ESR1: variants seen among roughly 807,000 people sequenced by gnomAD.
The protein encoded by ESR1 is estrogen receptor.
A neutral mutation model predicts 52.7 loss-of-function variants in ESR1; 12 were observed. The observed-to-expected ratio is 0.23, with a 90% CI of 0.15 to 0.37. The LOEUF (loss-of-function observed/expected upper bound fraction) is 0.37. ESR1 is among the 10% of genes least tolerant of loss of function. The pLI is 1.00. For synonymous variants in ESR1, 305 were observed against 316.8 expected (o/e 0.96, Z 0.39); for missense variants, 584 against 779.7 (o/e 0.75, Z 2.99).
chr6:151,710,740 A>T (rs1325506469), intron 2 of ESR1, among the ~76,000 whole-genome samples: 1 of 151,154 alleles, frequency 6.6e-6, no homozygotes, highest in Non-Finnish European at 1.5e-5. Flanking sequence ...ACCCTCTGAC[A>T]GGCCCCAGTG....
chr6:152,101,517 T>A lies in ESR1; in HGVS notation c.*2551T>A, dbSNP rs529250753. The A allele has an allele frequency of 1.7e-5, 4 of 232,198 alleles. No individual in the cohort carries two copies. The highest frequency in any genetic ancestry group is 6.6e-5 in the African/African-American group (3 of 45,408). 14.4% of individuals were successfully genotyped at this position (232,198 alleles called of 1,614,324 possible). On this transcript the variant is annotated 3_prime_UTR_variant, in exon 8 of 8. Transcript: ENST00000206249. The stretch of plus-strand genomic sequence containing the variant: ...CTACATTTGAAGTGGGCAGAGAACA[T>A]CAGATGATTGAAATGTTCGCCCAGG...
intron 2 of ESR1, among the ~76,000 whole-genome samples, chr6:151,713,508 A>T (rs896498455): frequency 1.3e-5 from 2 of 152,106 alleles, no homozygotes; most frequent in Admixed American, 1.3e-4. Context: ...TCCTGCCTCA[A>T]TTTCAGAACT....
rs76537695 is a variant in ESR1 at position 151,884,996 on chromosome 6, T to G, written c.760+4225T>G. Among the ~76,000 whole-genome samples, 739 of 151,934 alleles carry G rather than the reference T, an allele frequency of 4.9e-3. 3 individuals are homozygous for G. Among genetic ancestry groups the G allele is most frequent in the African/African-American group, 0.014 (596 of 41,398 alleles). On this transcript the variant is annotated intron_variant, in intron 3 of 7. Transcript: ENST00000206249. Reference sequence around the variant, plus strand: ...TAGTCATTCAATGTCTGTCTTTACATATGGTCCATAAACTCCATGATGGCG... The same window carrying G: ...TAGTCATTCAATGTCTGTCTTTACAGATGGTCCATAAACTCCATGATGGCG...
chr6:152,018,044 C>T (rs2043294449), intron 5 of ESR1, among the ~76,000 whole-genome samples: 1 of 152,148 alleles, frequency 6.6e-6, no homozygotes, highest in Non-Finnish European at 1.5e-5. Context: ...CTTTCCATCA[C>T]TCCTGCATCA....
At chr6:152,076,717 C>T (rs777066905) in intron 6 of ESR1, among the ~76,000 whole-genome samples, 1 of 152,132 alleles carries the variant, frequency 6.6e-6, no homozygotes, top group Non-Finnish European at 1.5e-5. Context: ...AAAGGTGACT[C>T]TTGTTATATC....
At chr6:151,711,078 G>C (rs188090396) in intron 2 of ESR1, among the ~76,000 whole-genome samples, 9 of 152,182 alleles carry the variant, frequency 5.9e-5, no homozygotes, top group Admixed American at 5.2e-4. Context: ...TAATGGGATT[G>C]CTGGGTCAAA....
intron 5 of ESR1, among the ~76,000 whole-genome samples, chr6:152,020,794 A>G (rs2043580128): frequency 6.6e-6 from 1 of 152,156 alleles, no homozygotes; most frequent in African/African-American, 2.4e-5. Context: ...TTGGCTTCAA[A>G]TAAATGGAGT....
chr6:152,042,182 C>A (rs1402390550), intron 5 of ESR1, among the ~76,000 whole-genome samples: 2 of 152,106 alleles, frequency 1.3e-5, no homozygotes, highest in African/African-American at 4.8e-5. Flanking sequence ...CCTTTCCCAC[C>A]ATAATAGCCC....
chr6:151,803,653 G>A (rs1777490117), upstream of ESR1, among the ~76,000 whole-genome samples: 2 of 152,146 alleles, frequency 1.3e-5, no homozygotes, highest in South Asian at 4.2e-4. Context: ...AGTCCGGGAG[G>A]AAAGGGCAGA....
At chr6:151,863,130 G>A (rs1420410105) in intron 2 of ESR1, among the ~76,000 whole-genome samples, 2 of 152,112 alleles carry the variant, frequency 1.3e-5, no homozygotes, top group African/African-American at 4.8e-5. Context: ...GATTGACTTG[G>A]CAATGCGGGC....
intron 4 of ESR1, among the ~76,000 whole-genome samples, chr6:151,986,393 T>C (rs1275748817): frequency 6.7e-6 from 1 of 150,220 alleles, no homozygotes; most frequent in African/African-American, 2.5e-5. Flanking sequence ...CAGCTCTCAC[T>C]TTCCTCCTCC....
chr6:152,029,499 A>T (rs1393237405), intron 5 of ESR1, among the ~76,000 whole-genome samples: 1 of 152,256 alleles, frequency 6.6e-6, no homozygotes, highest in Non-Finnish European at 1.5e-5. Flanking sequence ...CGAATGCACA[A>T]GCTTCAGTAG....
chr6:151,983,531 G>C (rs968333670), intron 4 of ESR1: 2 of 152,038 alleles, frequency 1.3e-5, no homozygotes, highest in African/African-American at 4.8e-5. Context: ...CACCTTCAAG[G>C]TTACCTTGTG....
At chr6:151,955,703 T>C (rs566852148) in intron 4 of ESR1, among the ~76,000 whole-genome samples, 21 of 152,332 alleles carry the variant, frequency 1.4e-4, no homozygotes, top group African/African-American at 5.1e-4. Context: ...AACTCCTGTG[T>C]GCTAGGAACT....
chr6:151,902,438 C>A (rs1449699849), intron 3 of ESR1, among the ~76,000 whole-genome samples: 1 of 152,100 alleles, frequency 6.6e-6, no homozygotes, highest in Non-Finnish European at 1.5e-5. Context: ...GAAAACATAA[C>A]TATGTGAAAA....
At chr6:151,852,354 A>T (rs1378701708) in intron 2 of ESR1, among the ~76,000 whole-genome samples, 1 of 152,218 alleles carries the variant, frequency 6.6e-6, no homozygotes, top group Non-Finnish European at 1.5e-5. Flanking sequence ...ATTATTAATA[A>T]TGGAGAAATA....
At chr6:151,747,596 T>C (rs556617977) in intron 2 of ESR1, among the ~76,000 whole-genome samples, 91 of 152,298 alleles carry the variant, frequency 6.0e-4, no homozygotes, top group African/African-American at 2.2e-3. Flanking sequence ...CATAAAAATA[T>C]AAAATCCACC....
At chr6:151,663,621 T>A (rs1777715293) in intron 1 of ESR1, among the ~76,000 whole-genome samples, 1 of 152,206 alleles carries the variant, frequency 6.6e-6, no homozygotes, top group Non-Finnish European at 1.5e-5. Flanking sequence ...TTTTTTTGTC[T>A]GAGCTTTCAC....
intron 3 of ESR1, among the ~76,000 whole-genome samples, chr6:151,922,993 C>G (rs1249359528): frequency 1.3e-5 from 2 of 152,178 alleles, no homozygotes; most frequent in Non-Finnish European, 2.9e-5. Context: ...TAGTGAGAAA[C>G]CTGGCTCCTA....
Sources: allele counts gnomAD v4.1 joint callset (sites outside exome capture counted in the v4.1 genomes callset), GRCh38; gene constraint gnomAD v4.1.1; transcripts MANE v1.5; gene names NCBI Gene and HGNC (gene_info 2026-07-23, HGNC 2026-07-21).